ST6GAL1: variants seen among roughly 807,000 people sequenced by gnomAD.
The protein encoded by ST6GAL1 is beta-galactoside alpha-2,6-sialyltransferase 1.
ST6GAL1 carries 20 observed loss-of-function variants against 38.0 expected under a neutral mutation model. The observed-to-expected ratio is 0.53, with a 90% confidence interval of 0.37 to 0.77. ST6GAL1 has a LOEUF of 0.77. Ranked by LOEUF, ST6GAL1 falls within the 30% of genes least tolerant of loss-of-function variation. The pLI is 0.00. For missense variants in ST6GAL1, 432 were observed against 496.4 expected (o/e 0.87, Z 1.23); for synonymous variants, 196 against 188.2 (o/e 1.04, Z -0.34).
intron 4 of ST6GAL1, among the ~76,000 whole-genome samples, chr3:187,044,414 A>T (rs1399130642): frequency 6.6e-6 from 1 of 152,228 alleles, no homozygotes; most frequent in Non-Finnish European, 1.5e-5. Flanking sequence ...AAAGAAAAGT[A>T]GGCCCAAACT....
At chr3:187,005,601 A>G (rs1440825429) in intron 2 of ST6GAL1, among the ~76,000 whole-genome samples, 4 of 152,118 alleles carry the variant, frequency 2.6e-5, no homozygotes, top group African/African-American at 9.7e-5. Flanking sequence ...CTAATGATCT[A>G]TTTGAGACAA....
chr3:187,031,194 G>A (rs1434122112), intron 2 of ST6GAL1, among the ~76,000 whole-genome samples: 4 of 152,166 alleles, frequency 2.6e-5, no homozygotes, highest in African/African-American at 9.7e-5. Flanking sequence ...CACTTGAGCT[G>A]GTGTTGGAAG....
At chr3:187,067,647 T>G (rs550104671) in intron 5 of ST6GAL1, among the ~76,000 whole-genome samples, 1 of 152,268 alleles carries the variant, frequency 6.6e-6, no homozygotes, top group Admixed American at 6.5e-5. Context: ...AGTGAATGGC[T>G]GTTTTTCCAT....
At chr3:187,030,656 A>C (rs1277847428) in intron 2 of ST6GAL1, among the ~76,000 whole-genome samples, 1 of 151,936 alleles carries the variant, frequency 6.6e-6, no homozygotes, top group African/African-American at 2.4e-5. Context: ...CTGGTCTCGA[A>C]CTCCTAACCT....
intron 1 of ST6GAL1, among the ~76,000 whole-genome samples, chr3:186,939,430 CAAAT>C (rs1259460374): frequency 5.3e-5 from 8 of 152,074 alleles, no homozygotes; most frequent in South Asian, 2.1e-4. Flanking sequence ...TGCTGTGTCA[CAAAT>C]AGACAGGGTG....
intron 2 of ST6GAL1, among the ~76,000 whole-genome samples, chr3:186,968,522 G>A (rs1393264172): frequency 2.0e-5 from 3 of 152,086 alleles, no homozygotes; most frequent in Non-Finnish European, 2.9e-5. Context: ...CCTCCTTCCT[G>A]CCCCCTTCCA....
chr3:186,970,514 C>T (rs188191622), intron 2 of ST6GAL1, among the ~76,000 whole-genome samples: 15 of 152,046 alleles, frequency 9.9e-5, no homozygotes, highest in African/African-American at 3.1e-4. Flanking sequence ...TGAGCCACTG[C>T]GCCCGGTGGA....
intron 2 of ST6GAL1, among the ~76,000 whole-genome samples, chr3:187,019,054 T>C (rs1319094650): frequency 6.6e-6 from 1 of 152,138 alleles, no homozygotes; most frequent in Non-Finnish European, 1.5e-5. Context: ...TCAGAACCTC[T>C]GATTGGCAAC....
chr3:186,992,388 G>A (rs963180463), intron 2 of ST6GAL1, among the ~76,000 whole-genome samples: 2 of 152,130 alleles, frequency 1.3e-5, no homozygotes, highest in Non-Finnish European at 2.9e-5. Context: ...ATGTGGAACT[G>A]CAAGTCAATT....
chr3:187,009,382 C>A (rs7621161), intron 2 of ST6GAL1, among the ~76,000 whole-genome samples: 51,416 of 151,922 alleles, frequency 0.34, 8,986 homozygotes, highest in South Asian at 0.44. Context: ...ACATTATTGA[C>A]CCTGAATTGA....
Position 186,948,528 on chromosome 3 carries a change from AGTGTGTGTGTGTGTGTGTGT to A in ST6GAL1, c.-324-15234_-324-15215del, listed in dbSNP as rs36234165. Reference sequence around the variant, plus strand: ...ATGCTCTTGGGGGTTCAGAAACTCTAGTGTGTGTGTGTGTGTGTGTGTGTGTGTGTGTGTGTGTGTGTCTG... The same window carrying A: ...ATGCTCTTGGGGGTTCAGAAACTCTAGTGTGTGTGTGTGTGTGTGTGTCTG... On this transcript the variant is annotated intron_variant, in intron 1 of 7. Transcript: ENST00000169298. 7.1e-3 allele frequency among the ~76,000 whole-genome samples: 1,046 copies of A among 146,326 alleles called. 6 individuals are homozygous for A. Among genetic ancestry groups the A allele is most frequent in the African/African-American group, 0.013 (509 of 39,498 alleles).
At position 186,987,616 on chromosome 3, in the gene ST6GAL1, G is replaced by A. The variant is rs74375986; in HGVS notation, c.-183+23690G>A. On this transcript the variant is annotated intron_variant, in intron 2 of 7. Transcript: ENST00000169298. The stretch of plus-strand genomic sequence containing the variant: ...GAATTACCTGAGGAAACCTGAAAAT[G>A]TTTTTTGCTGAAGTGCTGTTGAAGG... Among the ~76,000 whole-genome samples the A allele has an allele frequency of 6.0e-3, 911 of 152,304 alleles. 10 individuals are homozygous for A. Among genetic ancestry groups the A allele is most frequent in the African/African-American group, 0.021 (872 of 41,554 alleles).
rs557843861 is a variant in ST6GAL1, at chr3:186,944,563, G to T, written c.-325+13729G>T. On this transcript the variant is annotated intron_variant, in intron 1 of 7. Coordinates refer to ENST00000169298, the MANE Select transcript of ST6GAL1 (RefSeq NM_173216.2). ...AGACAAGATGATGAAACTACTCAATGAAATAAAAAAGGTAATTACAGAGCC... is the reference window on the plus strand; with the variant it reads ...AGACAAGATGATGAAACTACTCAATTAAATAAAAAAGGTAATTACAGAGCC... Among the ~76,000 whole-genome samples the T allele has an allele frequency of 2.6e-5, 4 of 152,164 alleles. No homozygotes were observed. In the South Asian group the frequency reaches 8.3e-4, roughly 32 times the overall value.
At chr3:186,985,172 G>A (rs1372003148) in intron 2 of ST6GAL1, among the ~76,000 whole-genome samples, 6 of 152,076 alleles carry the variant, frequency 3.9e-5, no homozygotes, top group Non-Finnish European at 8.8e-5. Flanking sequence ...GCCTCCCAAA[G>A]TGTTGGGATT....
Position 187,075,921 on chromosome 3 carries a change from CT to C in ST6GAL1, c.*119del. ...CCTGCTCCTTTTACTCTAGGGGCCTCTGTCAGCAAGACCATGGGGACTTCAA... is the reference window on the plus strand; with the variant it reads ...CCTGCTCCTTTTACTCTAGGGGCCTCGTCAGCAAGACCATGGGGACTTCAA... On this transcript the variant is annotated 3_prime_UTR_variant, in exon 8 of 8. Transcript: ENST00000169298. The surrounding 1 kb of genome is among the most constrained non-coding windows in gnomAD (Gnocchi z 4.1). 2 of 1,460,048 alleles carry C rather than the reference CT, an allele frequency of 1.4e-6. No individual in the cohort carries two copies. The highest frequency in any genetic ancestry group is 1.8e-6 in the Non-Finnish European group (2 of 1,094,248). The allele number at this position is 1,460,048 out of a possible 1,614,324, so 90.4% of individuals were successfully genotyped here.
intron 1 of ST6GAL1, among the ~76,000 whole-genome samples, 186 bp from the exon 2 acceptor site, chr3:186,963,599 C>A (rs1039220719): frequency 2.0e-5 from 3 of 152,188 alleles, no homozygotes; most frequent in Admixed American, 6.5e-5. Flanking sequence ...CTGCAACTTA[C>A]TCTCAAATTG....
At chr3:187,030,522 CT>C (rs1474024138) in intron 2 of ST6GAL1, among the ~76,000 whole-genome samples, 1 of 152,162 alleles carries the variant, frequency 6.6e-6, no homozygotes, top group African/African-American at 2.4e-5. Flanking sequence ...CAACCTCCGC[CT>C]CCCGGATTCA....
At chr3:186,990,594 C>T (rs570792350) in intron 2 of ST6GAL1, among the ~76,000 whole-genome samples, 3 of 151,954 alleles carry the variant, frequency 2.0e-5, no homozygotes, top group African/African-American at 7.2e-5. Flanking sequence ...TCACCTCAAC[C>T]CCAGCCGCCT....
intron 5 of ST6GAL1, among the ~76,000 whole-genome samples, chr3:187,059,734 C>T (rs557809522): frequency 5.9e-5 from 9 of 152,338 alleles, no homozygotes; most frequent in South Asian, 2.1e-4. Flanking sequence ...TATCAATAAA[C>T]GTTAACTGCA....
Sources: gnomAD v4.1 joint callset for allele counts (sites outside exome capture counted in the v4.1 genomes callset) on GRCh38, gnomAD v4.1.1 for gene constraint, Gnocchi (gnomAD v3.1) non-coding constraint, MANE v1.5 for transcripts, NCBI Gene and HGNC (gene_info 2026-07-23, HGNC 2026-07-21) for gene names.